SMIM31: variants seen among roughly 807,000 people sequenced by gnomAD.
SMIM31 encodes the protein human epithelial cell program regulator.
chr4:164,779,762 ATG>A (rs886836730), intron 2 of SMIM31, among the ~76,000 whole-genome samples: 1 of 152,190 alleles, frequency 6.6e-6, no homozygotes, highest in African/African-American at 2.4e-5. Flanking sequence ...CTCTGCATCA[ATG>A]TTCCTGACAC....
intron 2 of SMIM31, among the ~76,000 whole-genome samples, chr4:164,771,572 C>T (rs1732802579): frequency 6.6e-6 from 1 of 151,682 alleles, no homozygotes; most frequent in African/African-American, 2.4e-5. Context: ...GAGGCCGAGG[C>T]AGGCGGATCA....
Position 164,802,533 on chromosome 4 carries a change from G to C in SMIM31, c.*1339G>C, listed in dbSNP as rs1347842215. The C allele has an allele frequency of 1.3e-5, 2 of 152,190 alleles. No homozygotes were observed. The highest frequency in any genetic ancestry group is 2.9e-5 in the Non-Finnish European group (2 of 68,066). The allele number at this position is 152,190 out of a possible 1,614,324, so 9.4% of individuals were successfully genotyped here. A position where few individuals can be genotyped will look rare whatever the true frequency, so the allele number is the denominator to read the frequency against. ...TTACACGCATGAGCCACCATGCCTG[G>C]CCTGTTATTTATAACTCTTACAAAC... On this transcript the variant is annotated 3_prime_UTR_variant, in exon 3 of 3. Transcript: ENST00000507311.
At position 164,758,735 on chromosome 4, in the gene SMIM31, G is replaced by A. The variant is rs547870490; in HGVS notation, c.-26+4324G>A. Among the ~76,000 whole-genome samples, 19 of 131,054 alleles carry A rather than the reference G, an allele frequency of 1.4e-4. No individual in the cohort carries two copies. In the South Asian group the frequency reaches 5.0e-3, roughly 34 times the overall value. 86.0% of individuals were successfully genotyped at this position (131,054 alleles called of 152,430 possible). On this transcript the variant is annotated intron_variant, in intron 1 of 2. Transcript: ENST00000507311. ...TGCAAGCTCCGCCTCCCGGGTTCAC[G>A]CCATTCTCCTGCCTCAGCCTCCAGC...
chr4:164,785,167 G>A (rs1326131352), intron 2 of SMIM31, among the ~76,000 whole-genome samples: 2 of 151,308 alleles, frequency 1.3e-5, no homozygotes, highest in African/African-American at 4.9e-5. Context: ...CGGAGGTTGC[G>A]GTAAGCAGAG....
Position 164,780,299 on chromosome 4 carries a change from T to C in SMIM31, c.112+9744T>C, listed in dbSNP as rs540013105. Reference sequence around the variant, plus strand: ...AAAATTAGCCAGGCGTGGTGGCGCATGCCTGTAGTCCCAGCTACTCGGGAG... The same window carrying C: ...AAAATTAGCCAGGCGTGGTGGCGCACGCCTGTAGTCCCAGCTACTCGGGAG... On this transcript the variant is annotated intron_variant, in intron 2 of 2. Transcript: ENST00000507311. Among the ~76,000 whole-genome samples the C allele has an allele frequency of 7.2e-5, 11 of 152,140 alleles. No homozygotes were observed. In the South Asian group the frequency reaches 1.5e-3, roughly 20 times the overall value.
At chr4:164,761,762 C>CA (rs553183775) in intron 1 of SMIM31, among the ~76,000 whole-genome samples, 62,763 of 144,158 alleles carry the variant, frequency 0.44, 14,070 homozygotes, top group Admixed American at 0.52. Flanking sequence ...ACTAAAAATA[C>CA]AAAAAAAAAA....
intron 2 of SMIM31, among the ~76,000 whole-genome samples, chr4:164,785,749 CATAT>C (rs35263608): frequency 2.0e-5 from 3 of 149,280 alleles, no homozygotes; most frequent in African/African-American, 7.5e-5. Flanking sequence ...TGTGTATGCA[CATAT>C]ATATATATAT....
chr4:164,778,106 G>A (rs1732900390), intron 2 of SMIM31, among the ~76,000 whole-genome samples: 1 of 152,170 alleles, frequency 6.6e-6, no homozygotes, highest in South Asian at 2.1e-4. Context: ...TCATAAACCT[G>A]GCCACATGCA....
At chr4:164,789,330 TCA>T (rs969193983) in intron 2 of SMIM31, among the ~76,000 whole-genome samples, 44 of 152,280 alleles carry the variant, frequency 2.9e-4, no homozygotes, top group African/African-American at 1.1e-3. Context: ...GGCAAAGACC[TCA>T]GTCTCTCCTT....
At chr4:164,782,205 G>A (rs1316894969) in intron 2 of SMIM31, among the ~76,000 whole-genome samples, 4 of 151,390 alleles carry the variant, frequency 2.6e-5, no homozygotes, top group Non-Finnish European at 2.9e-5. Flanking sequence ...CAGGAGAATC[G>A]CTTGAACCTG....
Position 164,801,110 on chromosome 4 carries a change from G to A in SMIM31, c.132G>A (p.Lys44=). The change falls in exon 3 of 3, where the codon AAG becomes AAA. Residue 44 remains lysine, a synonymous_variant. Coordinates refer to ENST00000507311, the MANE Select transcript of SMIM31 (RefSeq NM_001352885.1). ...TTGCAGAGGAAGAACATGAAAAAAA[G>A]GGAAGGGAAAAGAAAAGGAAAAAGT... The part of the protein sequence containing the change: ...DSNEEEEHEK[K]GREKKRKKSE... The A allele has an allele frequency of 2.5e-6, 1 of 398,848 alleles. No individual in the cohort carries two copies. Among genetic ancestry groups the A allele is most frequent in the Non-Finnish European group, 4.4e-6 (1 of 226,002 alleles). 24.7% of individuals were successfully genotyped at this position (398,848 alleles called of 1,614,324 possible).
At chr4:164,777,186 T>C (rs546407580) in intron 2 of SMIM31, among the ~76,000 whole-genome samples, 2 of 152,360 alleles carry the variant, frequency 1.3e-5, no homozygotes, top group South Asian at 4.1e-4. Flanking sequence ...TCAGGTTTGA[T>C]ATATTCATGA....
chr4:164,777,087 G>A (rs980133050), intron 2 of SMIM31, among the ~76,000 whole-genome samples: 1 of 152,166 alleles, frequency 6.6e-6, no homozygotes, highest in African/African-American at 2.4e-5. Flanking sequence ...GTGACATGAA[G>A]CACAAATTAA....
At chr4:164,767,896 G>A (rs79894268) in intron 1 of SMIM31, among the ~76,000 whole-genome samples, 2,877 of 152,108 alleles carry the variant, frequency 0.019, 76 homozygotes, top group African/African-American at 0.065. Context: ...ATTATTTTGC[G>A]TTTATTTGTC....
chr4:164,763,699 A>C (rs1732681110), intron 1 of SMIM31, among the ~76,000 whole-genome samples: 1 of 152,222 alleles, frequency 6.6e-6, no homozygotes, highest in Admixed American at 6.5e-5. Flanking sequence ...CAACAATCAC[A>C]GTACATTTAG....
chr4:164,769,756 A>T (rs1033093327), intron 1 of SMIM31, among the ~76,000 whole-genome samples: 1 of 151,590 alleles, frequency 6.6e-6, no homozygotes, highest in African/African-American at 2.4e-5. Flanking sequence ...AAAAAAAAAA[A>T]ACTCCTCTCC....
chr4:164,764,812 A>G (rs1160545463), intron 1 of SMIM31, among the ~76,000 whole-genome samples: 2 of 152,188 alleles, frequency 1.3e-5, no homozygotes, highest in Non-Finnish European at 2.9e-5. Flanking sequence ...CAAATATTTG[A>G]GGATCCCTCT....
At chr4:164,793,359 T>C (rs1294683695) in intron 2 of SMIM31, among the ~76,000 whole-genome samples, 2 of 152,090 alleles carry the variant, frequency 1.3e-5, no homozygotes, top group African/African-American at 4.8e-5. Flanking sequence ...GAATCTAAAA[T>C]AAAAGTTGAA....
At chr4:164,765,260 A>G (rs1732704918) in intron 1 of SMIM31, among the ~76,000 whole-genome samples, 1 of 152,234 alleles carries the variant, frequency 6.6e-6, no homozygotes. Flanking sequence ...AATGTCAAGT[A>G]GGAACAGCAT....
Sources: allele counts gnomAD v4.1 joint callset (sites outside exome capture counted in the v4.1 genomes callset), GRCh38; gene constraint gnomAD v4.1.1; transcripts MANE v1.5; gene names NCBI Gene and HGNC (gene_info 2026-07-23, HGNC 2026-07-21).